Variants in TRIM40 observed in about 807,000 individuals in gnomAD.
TRIM40 encodes tripartite motif containing 40.
In TRIM40, 27 loss-of-function variants were observed where a neutral mutation model predicts 26.1. The ratio of observed to expected loss-of-function variants is 1.04; its 90% CI spans 0.76 to 1.43. The LOEUF (loss-of-function observed/expected upper bound fraction) is 1.43, where lower values mean the gene tolerates loss of function less well. Among genes scored for constraint, TRIM40 ranks in the 40% most tolerant of loss-of-function variants. TRIM40 has a pLI of 0.00. For synonymous variants in TRIM40, 114 were observed against 120.0 expected (o/e 0.95, Z 0.33); for missense variants, 289 against 307.9 (o/e 0.94, Z 0.46).
chr6:30,139,222 G>T (rs1771188282), intron 2 of TRIM40, among the ~76,000 whole-genome samples: 1 of 152,136 alleles, frequency 6.6e-6, no homozygotes, highest in African/African-American at 2.4e-5. Flanking sequence ...TGCTGTGTGT[G>T]AGAAACTGCA....
At chr6:30,146,414 AT>A (rs1483275753) in intron 3 of TRIM40, among the ~76,000 whole-genome samples, 1 of 151,054 alleles carries the variant, frequency 6.6e-6, no homozygotes, top group Admixed American at 6.6e-5. Flanking sequence ...TTTTTATTTT[AT>A]TTTATTTTTT....
rs543012032 is a variant in TRIM40, at chr6:30,140,543, G to A, written c.345+3162G>A. Reference sequence around the variant, plus strand: ...AATGAGAACACGTGGACACAGGGAGGGGAATATCACACACCAGGGCCTGTG... The same window carrying A: ...AATGAGAACACGTGGACACAGGGAGAGGAATATCACACACCAGGGCCTGTG... On this transcript the variant is annotated intron_variant, in intron 2 of 5. Transcript: ENST00000396581. Among the ~76,000 whole-genome samples the A allele has an allele frequency of 2.0e-5, 3 of 152,160 alleles. No individual in the cohort carries two copies. The South Asian group carries it at 6.2e-4, about 32-fold the overall frequency.
intron 3 of TRIM40, among the ~76,000 whole-genome samples, chr6:30,146,481 C>A (rs145056920): frequency 2.0e-5 from 3 of 151,856 alleles, no homozygotes; most frequent in African/African-American, 7.3e-5. Context: ...GCACGAACTC[C>A]GCTCACTGCA....
At chr6:30,136,656 T>G in intron 1 of TRIM40, 77 bp from the exon 2 acceptor site, 1 of 245,864 alleles carries the variant, frequency 4.1e-6, no homozygotes, top group Non-Finnish European at 7.8e-6. Flanking sequence ...CCTTTTAATT[T>G]GGGGCCCGTG....
intron 3 of TRIM40, among the ~76,000 whole-genome samples, chr6:30,146,394 CCT>C (rs996577759): frequency 1.3e-5 from 2 of 151,978 alleles, no homozygotes; most frequent in African/African-American, 4.8e-5. Context: ...AAGCCATAGG[CCT>C]CTGTTTCTTT....
Position 30,136,928 on chromosome 6 carries a change from C to A in TRIM40, c.-109C>A. The A allele has an allele frequency of 8.6e-7, 1 of 1,160,290 alleles. No homozygotes were observed. Among genetic ancestry groups the A allele is most frequent in the Admixed American group, 2.6e-5 (1 of 38,872 alleles). The allele number at this position is 1,160,290 out of a possible 1,614,324, so 71.9% of individuals were successfully genotyped here. ...CCCCAGGCTGCTCCAGGGCTGCCTCCTTCCGACTGGGCCTTCTTATCTGGG... is the reference window on the plus strand; with the variant it reads ...CCCCAGGCTGCTCCAGGGCTGCCTCATTCCGACTGGGCCTTCTTATCTGGG... On this transcript the variant is annotated 5_prime_UTR_variant, in exon 2 of 6. Transcript: ENST00000396581.
At chr6:30,138,504 C>A (rs56908820) in intron 2 of TRIM40, among the ~76,000 whole-genome samples, 1 of 152,144 alleles carries the variant, frequency 6.6e-6, no homozygotes, top group Admixed American at 6.5e-5. Context: ...TTCTTGCATA[C>A]TGCCTTGATT....
At position 30,147,214 on chromosome 6, in the gene TRIM40, A is replaced by C. The variant is rs1771725574; in HGVS notation, c.666+5A>C. 1.2e-6 allele frequency: 2 copies of C among 1,614,134 alleles called. No individual in the cohort carries two copies. The highest frequency in any genetic ancestry group is 1.7e-6 in the Non-Finnish European group (2 of 1,179,976). On this transcript the variant is annotated splice_donor_5th_base_variant and intron_variant, in intron 4 of 5. Coordinates refer to ENST00000396581, the MANE Select transcript of TRIM40 (RefSeq NM_001286633.2). ...TTAGACACCAACACACTGAAGGTGC[A>C]TACCCTGAGGCCTTCCCCAAGGGCT...
In TRIM40 at chr6:30,147,899, C is replaced by A; in HGVS notation, c.*87C>A. ...CAACCTGTCCAGGCCCCCACTGGGT[C>A]TACCCAGTGCATCTTCGGGCCTGCC... is the stretch of plus-strand genomic sequence containing the variant. On this transcript the variant is annotated 3_prime_UTR_variant, in exon 6 of 6. Coordinates refer to ENST00000396581, the MANE Select transcript of TRIM40 (RefSeq NM_001286633.2). 1.4e-5 allele frequency: 16 copies of A among 1,123,158 alleles called. No individual in the cohort carries two copies. Among genetic ancestry groups the A allele is most frequent in the Non-Finnish European group, 2.0e-5 (15 of 742,868 alleles). 69.6% of individuals were successfully genotyped at this position (1,123,158 alleles called of 1,614,324 possible). A position where few individuals can be genotyped will look rare whatever the true frequency, so the allele number is the denominator to read the frequency against.
intron 2 of TRIM40, among the ~76,000 whole-genome samples, chr6:30,137,620 C>A (rs1290542660): frequency 6.6e-6 from 1 of 152,136 alleles, no homozygotes; most frequent in Non-Finnish European, 1.5e-5. Context: ...ATGTTAGAGT[C>A]CCAGTCTGCT....
In TRIM40 at chr6:30,147,637, T is replaced by G. The variant is rs1179979130; in HGVS notation, c.690-88T>G. ...CAAGGAGACCCACTGCTCCGTTAGC[T>G]TTTGTATCTTGATGCTACATGGCCA... On this transcript the variant is annotated intron_variant, in intron 5 of 5. Transcript: ENST00000396581. 5 of 1,609,978 alleles carry G rather than the reference T, an allele frequency of 3.1e-6. No homozygotes were observed. The African/African-American group carries it at 6.7e-5, about 22-fold the overall frequency.
intron 2 of TRIM40, among the ~76,000 whole-genome samples, chr6:30,138,040 A>C (rs951062315): frequency 6.6e-6 from 1 of 151,394 alleles, no homozygotes; most frequent in African/African-American, 2.4e-5. Context: ...CCTTCCAAAA[A>C]ATGTGTGTGC....
chr6:30,147,477 A>G, intron 4 of TRIM40, 43 bp from the exon 5 acceptor site: 2 of 1,613,546 alleles, frequency 1.2e-6, no homozygotes, highest in South Asian at 1.1e-5. Flanking sequence ...AGGTGATAGG[A>G]ACCTGAGAAC....
rs1333371883 is a variant in TRIM40 at position 30,136,170 on chromosome 6, T to C, written c.-324T>C. On this transcript the variant is annotated 5_prime_UTR_variant, in exon 1 of 6. Coordinates refer to ENST00000396581, the MANE Select transcript of TRIM40 (RefSeq NM_001286633.2). ...TGGAGCCAGAGAAGATGATCTGAAA[T>C]TGTAGCAGGAGAAATTGAGGTAGGA... is the stretch of plus-strand genomic sequence containing the variant. 1 of 152,210 alleles carries C rather than the reference T, an allele frequency of 6.6e-6. No individual in the cohort carries two copies. The highest frequency in any genetic ancestry group is 1.5e-5 in the Non-Finnish European group (1 of 68,128). The allele number at this position is 152,210 out of a possible 1,614,324, so 9.4% of individuals were successfully genotyped here.
rs968019437 is a variant in TRIM40, at chr6:30,137,203, G to A, written c.167G>A (p.Cys56Tyr). 3.1e-6 allele frequency: 5 copies of A among 1,613,032 alleles called. No individual in the cohort carries two copies. In the South Asian group the frequency reaches 5.5e-5, roughly 18 times the overall value. The change falls in exon 2 of 6, where the codon TGC (cysteine) becomes TAC (tyrosine). Residue 56 changes from cysteine (C) to tyrosine (Y), a missense_variant. Coordinates refer to ENST00000396581, the MANE Select transcript of TRIM40 (RefSeq NM_001286633.2). ...SASGVFCCPL[C>Y]RKPCSEEVLG... ...TCTGGGGTCTTCTGCTGCCCCCTCTGCCGGAAGCCCTGTTCTGAGGAGGTG... is the reference window on the plus strand; with the variant it reads ...TCTGGGGTCTTCTGCTGCCCCCTCTACCGGAAGCCCTGTTCTGAGGAGGTG...
At chr6:30,142,866 T>A (rs931189276) in intron 2 of TRIM40, among the ~76,000 whole-genome samples, 5 of 152,122 alleles carry the variant, frequency 3.3e-5, no homozygotes, top group Admixed American at 1.3e-4. Context: ...GTTTTTTTTT[T>A]ACTCTAGTCC....
At chr6:30,142,823 C>T (rs1308419015) in intron 2 of TRIM40, among the ~76,000 whole-genome samples, 2 of 151,436 alleles carry the variant, frequency 1.3e-5, no homozygotes, top group African/African-American at 4.8e-5. Context: ...TGTTGTTTCT[C>T]GCTTGACATC....
chr6:30,137,827 A>G (rs1312855545), intron 2 of TRIM40, among the ~76,000 whole-genome samples: 1 of 152,134 alleles, frequency 6.6e-6, no homozygotes, highest in African/African-American at 2.4e-5. Context: ...TTCCTTCTGC[A>G]TTTGTCTTAT....
intron 3 of TRIM40, 71 bp downstream of exon 3, chr6:30,146,160 C>T: frequency 7.8e-7 from 1 of 1,281,430 alleles, no homozygotes; most frequent in East Asian, 2.5e-5. Flanking sequence ...CTATTCTGGA[C>T]ATCTGTCTGT....
Sources: allele counts gnomAD v4.1 joint callset (sites outside exome capture counted in the v4.1 genomes callset), GRCh38; gene constraint gnomAD v4.1.1; transcripts MANE v1.5; gene names NCBI Gene and HGNC (gene_info 2026-07-23, HGNC 2026-07-21).